PLA2G4A: variants seen among roughly 807,000 people sequenced by gnomAD.
PLA2G4A encodes the protein cytosolic phospholipase A2.
A neutral mutation model predicts 81.9 loss-of-function variants in PLA2G4A; 40 were observed. The observed-to-expected ratio is 0.49, with a 90% CI of 0.38 to 0.64. The LOEUF (loss-of-function observed/expected upper bound fraction) is 0.64, where lower values mean the gene tolerates loss of function less well. Ranked by LOEUF, PLA2G4A falls within the 30% of genes least tolerant of loss-of-function variation. The pLI, the probability that PLA2G4A is intolerant of heterozygous loss-of-function variation, is 0.00. For missense variants in PLA2G4A, 715 were observed against 905.1 expected, an observed-to-expected ratio of 0.79 and a Z score of 2.69; for synonymous variants, 302 against 296.9, an observed-to-expected ratio of 1.02 and a Z score of -0.18.
At chr1:186,912,279 T>G (rs1654973515) in intron 7 of PLA2G4A, among the ~76,000 whole-genome samples, 1 of 152,184 alleles carries the variant, frequency 6.6e-6, no homozygotes, top group South Asian at 2.1e-4. Flanking sequence ...AGTGGTACAT[T>G]TGTTACAATC....
chr1:186,890,857 A>AC (rs1048467527), intron 3 of PLA2G4A, among the ~76,000 whole-genome samples: 4 of 151,786 alleles, frequency 2.6e-5, no homozygotes, highest in African/African-American at 9.7e-5. Context: ...GTCTCAAAAA[A>AC]AAAAAAAAAG....
intron 5 of PLA2G4A, among the ~76,000 whole-genome samples, chr1:186,904,245 G>A (rs1170923859): frequency 6.6e-6 from 1 of 152,172 alleles, no homozygotes; most frequent in Non-Finnish European, 1.5e-5. Context: ...TAAAAAAGGT[G>A]GAGTTCTAAT....
intron 17 of PLA2G4A, among the ~76,000 whole-genome samples, chr1:186,981,790 A>C (rs965975969): frequency 6.6e-6 from 1 of 152,224 alleles, no homozygotes; most frequent in Non-Finnish European, 1.5e-5. Context: ...AAATTCATTA[A>C]AAAATAATAT....
intron 14 of PLA2G4A, among the ~76,000 whole-genome samples, chr1:186,964,440 A>G (rs920499670): frequency 6.6e-6 from 1 of 151,992 alleles, no homozygotes; most frequent in African/African-American, 2.4e-5. Context: ...CTCCTCCCAT[A>G]CTGTCCTCAG....
chr1:186,945,472 A>G (rs1298562753), intron 10 of PLA2G4A, among the ~76,000 whole-genome samples: 1 of 152,196 alleles, frequency 6.6e-6, no homozygotes, highest in African/African-American at 2.4e-5. Flanking sequence ...CAAAAAGATA[A>G]TAAGTGAACA....
At chr1:186,893,265 G>A (rs1483874070) in intron 4 of PLA2G4A, 106 bp downstream of exon 4, 6 of 936,062 alleles carry the variant, frequency 6.4e-6, no homozygotes, top group Admixed American at 1.7e-5. Context: ...TATAGTTGGA[G>A]TTAGACTGGG....
chr1:186,909,230 T>C (rs1256183527), intron 6 of PLA2G4A, among the ~76,000 whole-genome samples: 1 of 150,804 alleles, frequency 6.6e-6, no homozygotes, highest in Non-Finnish European at 1.5e-5. Context: ...TGCCTCGGCC[T>C]CCCAAAGTGC....
intron 4 of PLA2G4A, among the ~76,000 whole-genome samples, chr1:186,893,665 C>A (rs1041079937): frequency 3.9e-4 from 59 of 152,110 alleles, no homozygotes; most frequent in African/African-American, 1.4e-3. Context: ...CACTGTGGCT[C>A]ACCCCACAGC....
At chr1:186,902,230 T>C (rs1229177671) in intron 5 of PLA2G4A, among the ~76,000 whole-genome samples, 2 of 152,208 alleles carry the variant, frequency 1.3e-5, no homozygotes, top group Non-Finnish European at 2.9e-5. Context: ...TATAATCTTA[T>C]GGGGACCACT....
chr1:186,922,578 C>T (rs1045974243), intron 7 of PLA2G4A, among the ~76,000 whole-genome samples: 2 of 152,152 alleles, frequency 1.3e-5, no homozygotes, highest in Admixed American at 6.5e-5. Context: ...GGCCAGAGTC[C>T]CCTGCAGGGA....
At chr1:186,938,203 T>C (rs1002607560) in intron 8 of PLA2G4A, among the ~76,000 whole-genome samples, 1 of 152,100 alleles carries the variant, frequency 6.6e-6, no homozygotes, top group African/African-American at 2.4e-5. Flanking sequence ...ACACAATTTC[T>C]TGAGGGAAAC....
chr1:186,847,506 T>G (rs1031053580), intron 1 of PLA2G4A, among the ~76,000 whole-genome samples: 3 of 152,064 alleles, frequency 2.0e-5, no homozygotes, highest in African/African-American at 7.2e-5. Flanking sequence ...GTATTGGACT[T>G]TAAAGTAGAA....
chr1:186,915,416 C>A (rs1253013731), intron 7 of PLA2G4A, among the ~76,000 whole-genome samples: 1 of 152,100 alleles, frequency 6.6e-6, no homozygotes, highest in Non-Finnish European at 1.5e-5. Flanking sequence ...AATGGGGGTC[C>A]AGTATCCCCA....
At chr1:186,909,175 C>T (rs1231682873) in intron 6 of PLA2G4A, among the ~76,000 whole-genome samples, 1 of 149,774 alleles carries the variant, frequency 6.7e-6, no homozygotes, top group South Asian at 2.1e-4. Context: ...GGGGTTTCAC[C>T]GTGTTAGCTA....
chr1:186,902,603 C>G (rs555738238), intron 5 of PLA2G4A, among the ~76,000 whole-genome samples: 6 of 152,054 alleles, frequency 3.9e-5, no homozygotes, highest in Non-Finnish European at 5.9e-5. Flanking sequence ...AACTGAAGAA[C>G]GACAAAAGAA....
rs12720492 is a variant in PLA2G4A, at chr1:186,839,724, T to C, written c.-70+10689T>C. On this transcript the variant is annotated intron_variant, in intron 1 of 17. Transcript: ENST00000367466. ...TTCAGGATGTGCTACATGTTCATTA[T>C]GGTGCTAGCAAAAGTAGGTAGTATA... Among the ~76,000 whole-genome samples, 26 of 152,292 alleles carry C rather than the reference T, an allele frequency of 1.7e-4. No homozygotes were observed. The East Asian group carries it at 2.5e-3, about 15-fold the overall frequency.
intron 7 of PLA2G4A, among the ~76,000 whole-genome samples, chr1:186,914,042 A>G (rs899652748): frequency 8.5e-5 from 13 of 152,128 alleles, no homozygotes; most frequent in African/African-American, 3.1e-4. Flanking sequence ...AGTTTATTTT[A>G]AAAAGAGAGG....
At chr1:186,968,623 T>C (rs1657224673) in intron 15 of PLA2G4A, among the ~76,000 whole-genome samples, 2 of 151,836 alleles carry the variant, frequency 1.3e-5, no homozygotes, top group South Asian at 2.1e-4. Context: ...TGTATACAGA[T>C]ACGTATTTAT....
intron 2 of PLA2G4A, among the ~76,000 whole-genome samples, chr1:186,861,512 G>C (rs1293722560): frequency 1.3e-5 from 2 of 152,092 alleles, no homozygotes; most frequent in Non-Finnish European, 2.9e-5. Flanking sequence ...ACATTGTCCA[G>C]TTTATAGTTA....
Sources: allele counts gnomAD v4.1 joint callset (sites outside exome capture counted in the v4.1 genomes callset), GRCh38; gene constraint gnomAD v4.1.1; transcripts MANE v1.5; gene names NCBI Gene and HGNC (gene_info 2026-07-23, HGNC 2026-07-21).